Variants in ENOX2 observed in about 807,000 individuals in gnomAD.
ENOX2 encodes the protein APK1 antigen.
ENOX2 carries 36 observed loss-of-function variants against 45.0 expected under a neutral mutation model. The ratio of observed to expected loss-of-function variants is 0.80; its 90% CI spans 0.61 to 1.06. The LOEUF (loss-of-function observed/expected upper bound fraction) is 1.06. Among genes scored for constraint, ENOX2 ranks in the 50% least tolerant of loss-of-function variants. ENOX2 has a pLI of 0.00. For synonymous variants in ENOX2, 174 were observed against 152.3 expected (o/e 1.14, Z -1.05); for missense variants, 423 against 462.5 (o/e 0.91, Z 0.78).
intron 3 of ENOX2, among the ~76,000 whole-genome samples, chrX:130,782,744 C>T (rs1308301462): frequency 9.0e-6 from 1 of 111,127 alleles, no homozygotes; most frequent in Non-Finnish European, 1.9e-5. Context: ...ACAGATTCTA[C>T]TTCCAAATGA....
chrX:130,764,479 T>C (rs916801319), intron 3 of ENOX2, among the ~76,000 whole-genome samples: 3 of 109,097 alleles, frequency 2.7e-5, no homozygotes, highest in African/African-American at 1.0e-4. Flanking sequence ...AAAACTTGTT[T>C]CCTAAAAAGG....
At chrX:130,791,812 C>G (rs1244672382) in intron 2 of ENOX2, among the ~76,000 whole-genome samples, 1 of 111,861 alleles carries the variant, frequency 8.9e-6, no homozygotes, top group African/African-American at 3.3e-5. Flanking sequence ...CCTAATGTAT[C>G]TGCATAATTT....
intron 4 of ENOX2, among the ~76,000 whole-genome samples, chrX:130,690,470 C>G (rs1389417920): frequency 1.8e-5 from 2 of 112,318 alleles, no homozygotes; most frequent in African/African-American, 3.2e-5. Context: ...TGTTTCTCTG[C>G]CTCCCACTTC....
chrX:130,776,170 A>C (rs1036493740), intron 3 of ENOX2, among the ~76,000 whole-genome samples: 1 of 111,899 alleles, frequency 8.9e-6, no homozygotes, highest in African/African-American at 3.3e-5. Flanking sequence ...TCAAAATGCA[A>C]GAATCCTCTT....
chrX:130,753,877 T>C (rs956227409), intron 3 of ENOX2, among the ~76,000 whole-genome samples: 3 of 111,046 alleles, frequency 2.7e-5, no homozygotes, highest in African/African-American at 9.8e-5. Context: ...AAATACCCAG[T>C]AGAAGGACTG....
chrX:130,847,874 T>C (rs981390936), intron 2 of ENOX2, among the ~76,000 whole-genome samples: 3 of 112,123 alleles, frequency 2.7e-5, no homozygotes, highest in African/African-American at 9.8e-5. Flanking sequence ...TTCAGTCTAA[T>C]AACTTCAGAC....
At chrX:130,695,880 C>T (rs1359994726) in intron 4 of ENOX2, among the ~76,000 whole-genome samples, 1 of 111,700 alleles carries the variant, frequency 9.0e-6, no homozygotes, top group Non-Finnish European at 1.9e-5. Context: ...CCTTATATCT[C>T]TCTTCTAATC....
At chrX:130,847,927 C>CA (rs2078139072) in intron 2 of ENOX2, among the ~76,000 whole-genome samples, 1 of 111,524 alleles carries the variant, frequency 9.0e-6, no homozygotes, top group African/African-American at 3.3e-5. Context: ...ATCTAATAAC[C>CA]CCAGTTTCAA....
Position 130,879,181 on chromosome X carries a change from G to C in ENOX2, c.-183+22503C>G, listed in dbSNP as rs1399326387. The stretch of plus-strand genomic sequence containing the variant: ...GTTTGGGAAAATGCCAACCATGTTT[G>C]GCAGCAAGAGTCAGCAGTCTCTTAG... On this transcript the variant is annotated intron_variant, in intron 2 of 14. Transcript: ENST00000394363. Among the ~76,000 whole-genome samples, 3 of 111,678 alleles carry C rather than the reference G, an allele frequency of 2.7e-5. 1 individual carries two copies. The highest frequency in any genetic ancestry group is 9.3e-3 in the Middle Eastern group (2 of 214).
chrX:130,655,762 G>A (rs2036531050), intron 10 of ENOX2, among the ~76,000 whole-genome samples: 1 of 111,532 alleles, frequency 9.0e-6, no homozygotes, highest in Admixed American at 9.5e-5. Context: ...AGCCTCCCGA[G>A]TAGCTGGGAT....
chrX:130,796,487 C>G (rs1401824056), intron 2 of ENOX2, among the ~76,000 whole-genome samples: 3 of 111,930 alleles, frequency 2.7e-5, no homozygotes, highest in African/African-American at 9.7e-5. Context: ...ACTAGGTATT[C>G]TTAACAAAGC....
In ENOX2 at chrX:130,656,623, C is replaced by A. The variant is rs1351165843; in HGVS notation, c.1087G>T (p.Glu363Ter). ...TTTGTTTCTGTCATTTCTTCTATTT[C>A]ATCATCAGACATTTCCATTTCTTCT... ...REEEMEMSDD[E>*]IEEMTETKET... Residue 363 changes from glutamate (E) to a stop codon, truncating the protein, a stop_gained, in exon 10 of 15, where the codon GAA (glutamate) becomes TAA (stop). Coordinates refer to ENST00000394363, the MANE Select transcript of ENOX2 (RefSeq NM_006375.4). LOFTEE classifies it high-confidence loss of function. 1 of 1,170,973 alleles carries A rather than the reference C, an allele frequency of 8.5e-7. No homozygotes were observed. Among genetic ancestry groups the A allele is most frequent in the Admixed American group, 2.3e-5 (1 of 44,349 alleles).
At chrX:130,796,101 G>A (rs1451051262) in intron 2 of ENOX2, among the ~76,000 whole-genome samples, 1 of 110,777 alleles carries the variant, frequency 9.0e-6, no homozygotes, top group Non-Finnish European at 1.9e-5. Context: ...ACCAGAGGCA[G>A]AGAGACCAGT....
rs150174226 is a variant in ENOX2, at chrX:130,809,785, C to G, written c.-182-26095G>C. Reference sequence around the variant, plus strand: ...TATGTGTGCATGTGCGTGTGTGTATCTGCAGAAAAGAGGTAGACAAGGAGC... The same window carrying G: ...TATGTGTGCATGTGCGTGTGTGTATGTGCAGAAAAGAGGTAGACAAGGAGC... On this transcript the variant is annotated intron_variant, in intron 2 of 14. Coordinates refer to ENST00000394363, the MANE Select transcript of ENOX2 (RefSeq NM_006375.4). Among the ~76,000 whole-genome samples the G allele has an allele frequency of 3.5e-3, 384 of 109,741 alleles. 2 individuals are homozygous for G. The highest frequency in any genetic ancestry group is 0.012 in the African/African-American group (369 of 30,187).
chrX:130,716,451 T>C (rs2038331817), intron 3 of ENOX2, among the ~76,000 whole-genome samples: 1 of 112,185 alleles, frequency 8.9e-6, no homozygotes, highest in Non-Finnish European at 1.9e-5. Flanking sequence ...GTGCTCTCTC[T>C]CCTGATCCCC....
intron 3 of ENOX2, among the ~76,000 whole-genome samples, chrX:130,742,160 A>C (rs2038996307): frequency 9.1e-6 from 1 of 110,047 alleles, no homozygotes; most frequent in Non-Finnish European, 1.9e-5. Context: ...GGCTTATTAA[A>C]CAGATGATGT....
chrX:130,757,342 A>G (rs1225258484), intron 3 of ENOX2, among the ~76,000 whole-genome samples: 1 of 112,294 alleles, frequency 8.9e-6, no homozygotes, highest in African/African-American at 3.2e-5. Flanking sequence ...GCTAAGGAAT[A>G]TTGATCTTGA....
chrX:130,787,883 C>T (rs924152708), intron 2 of ENOX2, among the ~76,000 whole-genome samples: 1 of 111,351 alleles, frequency 9.0e-6, no homozygotes, highest in African/African-American at 3.3e-5. Flanking sequence ...ACTCAGTAAG[C>T]TGACTCGCTG....
At chrX:130,627,159 T>G (rs2035567455) in intron 14 of ENOX2, among the ~76,000 whole-genome samples, 1 of 110,483 alleles carries the variant, frequency 9.1e-6, no homozygotes, top group Non-Finnish European at 1.9e-5. Flanking sequence ...TGCTCCATCT[T>G]TTTTTTTTGG....
Sources: allele counts gnomAD v4.1 joint callset (sites outside exome capture counted in the v4.1 genomes callset), GRCh38; gene constraint gnomAD v4.1.1; transcripts MANE v1.5; gene names NCBI Gene and HGNC (gene_info 2026-07-23, HGNC 2026-07-21).